PRKCE: variants seen among roughly 807,000 people sequenced by gnomAD.
PRKCE encodes the protein protein kinase C epsilon type.
A neutral mutation model predicts 85.4 loss-of-function variants in PRKCE; 16 were observed. The ratio of observed to expected loss-of-function variants is 0.19; its 90% CI spans 0.13 to 0.28. The LOEUF (loss-of-function observed/expected upper bound fraction) is 0.28. Among genes scored for constraint, PRKCE ranks in the 10% least tolerant of loss-of-function variants. The pLI is 1.00. For synonymous variants in PRKCE, 388 were observed against 371.5 expected, an observed-to-expected ratio of 1.04 and a Z score of -0.51; for missense variants, 573 against 975.2, an observed-to-expected ratio of 0.59 and a Z score of 5.49.
chr2:46,010,632 G>A (rs61758294), intron 10 of PRKCE, 115 bp downstream of exon 10: 18 of 1,599,262 alleles, frequency 1.1e-5, no homozygotes, highest in Non-Finnish European at 1.4e-5. Context: ...AGTGGGATGG[G>A]TTTTACCCTT....
rs753099719 is a variant in PRKCE, at chr2:46,086,312, A to C, written c.1542A>C (p.Ala514=). ...AGCCTCGTTCACGGTTCTATGCTGC[A>C]GAGGTCACATCGGCCCTCATGTTCC... The part of the protein sequence containing the change: ...FDEPRSRFYA[A]EVTSALMFLH... The change falls in exon 11 of 15, where the codon GCA becomes GCC. Residue 514 remains alanine, a synonymous_variant. Transcript: ENST00000306156. The C allele has an allele frequency of 3.8e-6, 6 of 1,599,582 alleles. No individual in the cohort carries two copies. The African/African-American group carries it at 6.7e-5, about 18-fold the overall frequency.
chr2:45,894,256 A>T (rs1176403023), intron 2 of PRKCE, among the ~76,000 whole-genome samples: 3 of 151,860 alleles, frequency 2.0e-5, no homozygotes, highest in African/African-American at 7.3e-5. Flanking sequence ...CGGGTTGGGG[A>T]TAGGGAGTGA....
At chr2:45,936,535 G>C (rs946840581) in intron 2 of PRKCE, among the ~76,000 whole-genome samples, 1 of 152,100 alleles carries the variant, frequency 6.6e-6, no homozygotes, top group African/African-American at 2.4e-5. Context: ...CCAGCGGGAG[G>C]CCCGACATCC....
intron 2 of PRKCE, among the ~76,000 whole-genome samples, chr2:45,921,768 G>A (rs897025000): frequency 1.3e-5 from 2 of 152,206 alleles, no homozygotes; most frequent in African/African-American, 4.8e-5. Flanking sequence ...TTGAGGGGAG[G>A]AGTGTCATTT....
chr2:45,879,576 A>G (rs541627281), intron 2 of PRKCE, among the ~76,000 whole-genome samples: 1 of 152,218 alleles, frequency 6.6e-6, no homozygotes, highest in Non-Finnish European at 1.5e-5. Context: ...TGTTGCAGGT[A>G]CTCTCCACTA....
At chr2:45,858,800 G>A (rs1692894301) in intron 2 of PRKCE, among the ~76,000 whole-genome samples, 1 of 152,102 alleles carries the variant, frequency 6.6e-6, no homozygotes, top group Admixed American at 6.5e-5. Context: ...CAGCACTTTG[G>A]GAGGCCAAGG....
chr2:46,007,561 G>A lies in PRKCE; in HGVS notation c.1163G>A (p.Ser388Asn), dbSNP rs76794341. Reference protein sequence around the residue: ...AASSPDGQLMSPGENGEVRQG... With the variant: ...AASSPDGQLMNPGENGEVRQG... ...TCGTCTCCTGATGGCCAGCTGATGA[G>A]CCCCGGTGAGAATGGCGAAGTCCGG... Residue 388 changes from serine (S) to asparagine (N), a missense_variant, in exon 9 of 15, where the codon AGC becomes AAC. Ser to Asn is a conservative substitution (Grantham distance 46). Transcript: ENST00000306156. 8.1e-6 allele frequency: 13 copies of A among 1,599,690 alleles called. No homozygotes were observed. The Admixed American group carries it at 1.8e-4, about 23-fold the overall frequency.
chr2:46,093,959 AT>A lies in PRKCE; in HGVS notation c.1592+7605del, dbSNP rs967510485. On this transcript the variant is annotated intron_variant, in intron 11 of 14. Transcript: ENST00000306156. ...TATAGTTACTTTTCCTTCCCAGTGCATTTTTTTTGTTTATTTTCCCTGAAGT... is the reference window on the plus strand; with the variant it reads ...TATAGTTACTTTTCCTTCCCAGTGCATTTTTTTGTTTATTTTCCCTGAAGT... Among the ~76,000 whole-genome samples, 15 of 151,966 alleles carry A rather than the reference AT, an allele frequency of 9.9e-5. 1 individual carries two copies. In the East Asian group the frequency reaches 1.9e-3, roughly 20 times the overall value.
chr2:46,094,444 A>C (rs897555550), intron 11 of PRKCE, among the ~76,000 whole-genome samples: 2 of 152,252 alleles, frequency 1.3e-5, no homozygotes, highest in Non-Finnish European at 1.5e-5. Flanking sequence ...TTTAGATTAA[A>C]AAGAATCTTC....
At chr2:45,968,001 T>C (rs1357052397) in intron 2 of PRKCE, among the ~76,000 whole-genome samples, 1 of 152,168 alleles carries the variant, frequency 6.6e-6, no homozygotes, top group African/African-American at 2.4e-5. Flanking sequence ...CTGTGTGCCC[T>C]GAACACAAAG....
intron 1 of PRKCE, among the ~76,000 whole-genome samples, chr2:45,808,328 G>A (rs1194791007): frequency 6.6e-6 from 1 of 152,142 alleles, no homozygotes; most frequent in Non-Finnish European, 1.5e-5. Context: ...TTTGGAGGTT[G>A]GAGAAAAAGA....
intron 1 of PRKCE, among the ~76,000 whole-genome samples, chr2:45,726,625 T>A (rs889001847): frequency 6.6e-6 from 1 of 152,230 alleles, no homozygotes; most frequent in East Asian, 1.9e-4. Context: ...AAACAAAATA[T>A]TTTTATGACT....
chr2:45,861,804 T>A (rs566765342), intron 2 of PRKCE, among the ~76,000 whole-genome samples: 1 of 152,324 alleles, frequency 6.6e-6, no homozygotes, highest in South Asian at 2.1e-4. Context: ...TGTTTACAGC[T>A]GAAGGGCACT....
At chr2:45,989,552 G>T (rs886379747) in intron 6 of PRKCE, among the ~76,000 whole-genome samples, 4 of 151,922 alleles carry the variant, frequency 2.6e-5, no homozygotes, top group African/African-American at 9.7e-5. Context: ...AAATAAAAAT[G>T]GAGTGATCTT....
chr2:45,862,448 T>G (rs1416058575), intron 2 of PRKCE, among the ~76,000 whole-genome samples: 1 of 152,160 alleles, frequency 6.6e-6, no homozygotes, highest in African/African-American at 2.4e-5. Context: ...CCGGAGATTG[T>G]TCCATCTTTT....
At chr2:45,844,945 T>G (rs991950463) in intron 2 of PRKCE, among the ~76,000 whole-genome samples, 14 of 152,206 alleles carry the variant, frequency 9.2e-5, no homozygotes, top group African/African-American at 3.4e-4. Context: ...TCTGAGTCTA[T>G]TTTTTAAATC....
chr2:46,134,679 G>A (rs928039719), intron 11 of PRKCE, among the ~76,000 whole-genome samples: 14 of 152,332 alleles, frequency 9.2e-5, no homozygotes, highest in East Asian at 3.9e-4. Flanking sequence ...TCATCCAGCC[G>A]TCTTATCTCA....
chr2:46,007,406 T>C, intron 8 of PRKCE, 56 bp from the exon 9 acceptor site: 1 of 1,560,230 alleles, frequency 6.4e-7, no homozygotes, highest in Non-Finnish European at 8.7e-7. Context: ...TGAGTCCTAA[T>C]GTAACAGGCT....
chr2:46,077,424 G>C (rs1431596552), intron 10 of PRKCE, among the ~76,000 whole-genome samples: 3 of 152,078 alleles, frequency 2.0e-5, no homozygotes, highest in Non-Finnish European at 4.4e-5. Context: ...CATTTAGAAA[G>C]AAAAGGAAAA....
Sources: allele counts gnomAD v4.1 joint callset (sites outside exome capture counted in the v4.1 genomes callset), GRCh38; gene constraint gnomAD v4.1.1; transcripts MANE v1.5; gene names NCBI Gene and HGNC (gene_info 2026-07-23, HGNC 2026-07-21).